The following CCNY variants were observed in gnomAD, a reference collection of about 807,000 sequenced individuals.
CCNY encodes cyclin Y, also known as cyclin-Y.
Under a neutral mutation model 42.8 loss-of-function variants are expected in CCNY, and 19 were observed. The observed-to-expected ratio is 0.44, with a 90% CI of 0.31 to 0.65. The LOEUF is 0.65. CCNY is among the 30% of genes least tolerant of loss of function. The probability of loss-of-function intolerance (pLI) is 0.07; values close to 1 mark genes in which losing one functional copy is unlikely to be tolerated. For synonymous variants in CCNY, 165 were observed against 162.7 expected (o/e 1.01, Z -0.11); for missense variants, 370 against 437.3 (o/e 0.85, Z 1.37).
chr10:35,421,601 A>G (rs1341847802), intron 1 of CCNY, among the ~76,000 whole-genome samples: 1 of 152,102 alleles, frequency 6.6e-6, no homozygotes, highest in Non-Finnish European at 1.5e-5. Context: ...GGACAGTTTC[A>G]TGCCTCTCTG....
intron 2 of CCNY, among the ~76,000 whole-genome samples, chr10:35,493,532 G>C (rs1839945410): frequency 6.6e-6 from 1 of 152,208 alleles, no homozygotes; most frequent in East Asian, 1.9e-4. Context: ...GCTGCCCCGT[G>C]ACATCTAGGG....
intron 1 of CCNY, chr10:35,434,205 T>G (rs1838475556): frequency 6.6e-6 from 1 of 152,248 alleles, no homozygotes; most frequent in Non-Finnish European, 1.5e-5. Flanking sequence ...GGCTTTGGTT[T>G]TTACCCACAA....
intron 7 of CCNY, among the ~76,000 whole-genome samples, chr10:35,545,089 G>A (rs1656745148): frequency 6.6e-6 from 1 of 152,168 alleles, no homozygotes; most frequent in African/African-American, 2.4e-5. Context: ...GTAGAAATGA[G>A]GGGCTGGGGC....
chr10:35,253,281 ACT>A (rs1247832775), intron 3 of CCNY, among the ~76,000 whole-genome samples: 2 of 151,868 alleles, frequency 1.3e-5, no homozygotes, highest in Non-Finnish European at 2.9e-5. Context: ...ATAGGATCTC[ACT>A]CTGTCATCTA....
intron 1 of CCNY, among the ~76,000 whole-genome samples, chr10:35,372,247 A>G (rs1259904972): frequency 6.6e-6 from 1 of 152,168 alleles, no homozygotes; most frequent in South Asian, 2.1e-4. Context: ...AGGGGACAGC[A>G]AGGAGGAGTG....
At chr10:35,383,197 G>A (rs1330903024) in intron 1 of CCNY, among the ~76,000 whole-genome samples, 3 of 152,136 alleles carry the variant, frequency 2.0e-5, no homozygotes, top group East Asian at 3.8e-4. Context: ...GATGACCTAG[G>A]GGTGACTGTA....
intron 1 of CCNY, among the ~76,000 whole-genome samples, chr10:35,431,457 T>A (rs868043197): frequency 5.8e-4 from 66 of 114,586 alleles, no homozygotes; most frequent in East Asian, 1.7e-3. Context: ...TCTCTCTCTC[T>A]CACACTCACT....
intron 2 of CCNY, among the ~76,000 whole-genome samples, chr10:35,485,391 C>T (rs970444165): frequency 2.0e-5 from 3 of 152,220 alleles, no homozygotes; most frequent in Non-Finnish European, 2.9e-5. Context: ...TTCTAATGAA[C>T]AATTGCTTTA....
At chr10:35,568,133 C>A (rs1325755127) in intron 9 of CCNY, among the ~76,000 whole-genome samples, 1 of 152,190 alleles carries the variant, frequency 6.6e-6, no homozygotes, top group Non-Finnish European at 1.5e-5. Flanking sequence ...GTCTTGTGTT[C>A]TCTGCTGAAG....
At chr10:35,568,391 A>T (rs1841613669) in intron 9 of CCNY, among the ~76,000 whole-genome samples, 1 of 152,176 alleles carries the variant, frequency 6.6e-6, no homozygotes, top group Non-Finnish European at 1.5e-5. Context: ...TTTTACCATC[A>T]GCCAGTTCTA....
At chr10:35,381,807 G>A (rs1429012986) in intron 1 of CCNY, among the ~76,000 whole-genome samples, 2 of 152,160 alleles carry the variant, frequency 1.3e-5, no homozygotes, top group Non-Finnish European at 2.9e-5. Context: ...TGTTACTGAT[G>A]ACTATAATTG....
intron 3 of CCNY, among the ~76,000 whole-genome samples, chr10:35,293,333 T>C (rs1835436273): frequency 6.6e-6 from 1 of 152,202 alleles, no homozygotes; most frequent in Non-Finnish European, 1.5e-5. Flanking sequence ...TAAGGTTCAT[T>C]ATGCCAAAAC....
intron 8 of CCNY, among the ~76,000 whole-genome samples, chr10:35,560,100 C>T (rs887704899): frequency 6.6e-6 from 1 of 152,062 alleles, no homozygotes; most frequent in African/African-American, 2.4e-5. Flanking sequence ...AGGAATTTTG[C>T]CTTAGGATGA....
chr10:35,505,453 T>C (rs746029548), intron 3 of CCNY, among the ~76,000 whole-genome samples: 3 of 151,024 alleles, frequency 2.0e-5, no homozygotes, highest in Non-Finnish European at 2.9e-5. Context: ...CTGGTGATAG[T>C]TGAGGAAACT....
rs562222216 is a variant in CCNY at position 35,474,435 on chromosome 10, C to T, written c.155-8969C>T. On this transcript the variant is annotated intron_variant, in intron 1 of 9. Transcript: ENST00000374704. ...GAAGAGAGCAGTGGTTCTCCCAGTA[C>T]GCAGCTGGAGATCTGGGAACGGGCA... 2.2e-3 allele frequency among the ~76,000 whole-genome samples: 335 copies of T among 152,202 alleles called. 1 individual carries two copies. The highest frequency in any genetic ancestry group is 7.4e-3 in the African/African-American group (308 of 41,550).
At chr10:35,271,316 T>C (rs1835166719) in intron 3 of CCNY, among the ~76,000 whole-genome samples, 1 of 152,158 alleles carries the variant, frequency 6.6e-6, no homozygotes, top group Non-Finnish European at 1.5e-5. Context: ...GTGGATGGAT[T>C]GCTGAAGGTT....
chr10:35,449,997 G>T (rs1838881875), intron 1 of CCNY, among the ~76,000 whole-genome samples: 1 of 152,184 alleles, frequency 6.6e-6, no homozygotes. Flanking sequence ...AGGAGATGGG[G>T]AGTTAGATTT....
At chr10:35,565,269 C>T (rs910090243) in intron 8 of CCNY, among the ~76,000 whole-genome samples, 2 of 152,152 alleles carry the variant, frequency 1.3e-5, no homozygotes, top group African/African-American at 4.8e-5. Context: ...GAGTGGTTCT[C>T]AGAGTGTGGG....
At chr10:35,362,491 G>A (rs71487401) in intron 1 of CCNY, among the ~76,000 whole-genome samples, 2 of 152,210 alleles carry the variant, frequency 1.3e-5, no homozygotes, top group Non-Finnish European at 2.9e-5. Flanking sequence ...TAAAGACAGG[G>A]AGGATAGTCC....
Sources: allele counts gnomAD v4.1 joint callset (sites outside exome capture counted in the v4.1 genomes callset), GRCh38; gene constraint gnomAD v4.1.1; transcripts MANE v1.5; gene names NCBI Gene and HGNC (gene_info 2026-07-23, HGNC 2026-07-21).